FAM227B: variants seen among roughly 807,000 people sequenced by gnomAD.
FAM227B encodes family with sequence similarity 227 member B.
A neutral mutation model predicts 73.8 loss-of-function variants in FAM227B; 88 were observed. The observed-to-expected ratio is 1.19, with a 90% CI of 1.00 to 1.42. FAM227B has a LOEUF of 1.42. FAM227B is among the 40% of genes most tolerant of loss of function. FAM227B has a pLI of 0.00. For synonymous variants in FAM227B, 210 were observed against 190.5 expected, an observed-to-expected ratio of 1.10 and a Z score of -0.84; for missense variants, 632 against 590.9, an observed-to-expected ratio of 1.07 and a Z score of -0.72.
chr15:49,455,429 A>T (rs1030316931), intron 11 of FAM227B, among the ~76,000 whole-genome samples: 2 of 152,184 alleles, frequency 1.3e-5, no homozygotes, highest in East Asian at 1.9e-4. Flanking sequence ...TTTCAAACAA[A>T]TTGTATGTTT....
At chr15:49,361,239 C>T (rs191265257) in intron 13 of FAM227B, among the ~76,000 whole-genome samples, 1 of 152,010 alleles carries the variant, frequency 6.6e-6, no homozygotes, top group East Asian at 1.9e-4. Flanking sequence ...ACCTATGATG[C>T]AAATTTTTTT....
At chr15:49,392,658 G>A (rs958477910) in intron 11 of FAM227B, among the ~76,000 whole-genome samples, 3 of 152,188 alleles carry the variant, frequency 2.0e-5, no homozygotes, top group Non-Finnish European at 2.9e-5. Flanking sequence ...TTTTAAAAAT[G>A]CATCTGTCAA....
At chr15:49,351,524 T>C (rs1050811590) in intron 13 of FAM227B, among the ~76,000 whole-genome samples, 4 of 152,178 alleles carry the variant, frequency 2.6e-5, no homozygotes, top group African/African-American at 9.7e-5. Flanking sequence ...ACAAGAAAAG[T>C]AGTGAGCAAT....
chr15:49,348,494 A>G (rs905640534), intron 13 of FAM227B, among the ~76,000 whole-genome samples: 15 of 152,192 alleles, frequency 9.9e-5, no homozygotes, highest in Non-Finnish European at 2.2e-4. Context: ...TTTTCCTTCA[A>G]TAAACAGGAC....
chr15:49,609,151 T>C (rs970458717), intron 3 of FAM227B, among the ~76,000 whole-genome samples: 8 of 151,450 alleles, frequency 5.3e-5, no homozygotes, highest in African/African-American at 1.9e-4. Flanking sequence ...GATACAACAA[T>C]AGTGGAAAAA....
At chr15:49,568,897 C>T (rs750862675) in intron 8 of FAM227B, among the ~76,000 whole-genome samples, 6 of 151,882 alleles carry the variant, frequency 4.0e-5, no homozygotes, top group Non-Finnish European at 7.4e-5. Flanking sequence ...TTCTAACTTA[C>T]AGGTTGAGTT....
intron 14 of FAM227B, among the ~76,000 whole-genome samples, chr15:49,334,508 A>T (rs1375236660): frequency 6.6e-6 from 1 of 152,184 alleles, no homozygotes; most frequent in Non-Finnish European, 1.5e-5. Flanking sequence ...ACCTGAGTAC[A>T]GCTGGACTCC....
At chr15:49,590,115 G>T in intron 3 of FAM227B, 108 bp from the exon 4 acceptor site, 1 of 630,086 alleles carries the variant, frequency 1.6e-6, no homozygotes, top group Non-Finnish European at 2.8e-6. Flanking sequence ...CCACAGCATT[G>T]TTTTTTATCA....
At chr15:49,521,481 A>G (rs889629753) in intron 10 of FAM227B, among the ~76,000 whole-genome samples, 8 of 152,230 alleles carry the variant, frequency 5.3e-5, no homozygotes, top group African/African-American at 1.9e-4. Flanking sequence ...AGCTGTGGAC[A>G]TAGCCAAGGC....
intron 13 of FAM227B, chr15:49,354,091 G>A (rs891455939): frequency 1.3e-5 from 2 of 152,164 alleles, no homozygotes; most frequent in African/African-American, 4.8e-5. Flanking sequence ...CCACATCACA[G>A]ATAATTCACA....
At chr15:49,570,077 T>C (rs1315923514) in intron 8 of FAM227B, among the ~76,000 whole-genome samples, 3 of 152,166 alleles carry the variant, frequency 2.0e-5, no homozygotes, top group East Asian at 1.9e-4. Context: ...GTCTTAGCTA[T>C]TGTGCTGCAA....
intron 11 of FAM227B, among the ~76,000 whole-genome samples, chr15:49,414,725 ATAAT>A (rs770165805): frequency 2.0e-5 from 3 of 152,164 alleles, no homozygotes; most frequent in Non-Finnish European, 4.4e-5. Context: ...TGTGAAAGTG[ATAAT>A]TGATAGGAAG....
rs377174947 is a variant in FAM227B, at chr15:49,442,308, C to G, written c.1012+65903G>C. Among the ~76,000 whole-genome samples the G allele has an allele frequency of 1.4e-4, 22 of 151,728 alleles. No homozygotes were observed. In the East Asian group the frequency reaches 4.3e-3, roughly 30 times the overall value. ...CTAGAATTTTTCTTCTCAGTATCTA[C>G]CCATTCTTCAGGGCCCAGATTAAGT... On this transcript the variant is annotated intron_variant, in intron 11 of 15. Transcript: ENST00000299338.
At chr15:49,611,416 C>G (rs2077908566) in intron 2 of FAM227B, 148 bp from the exon 3 acceptor site, 1 of 484,432 alleles carries the variant, frequency 2.1e-6, no homozygotes, top group African/African-American at 2.0e-5. Flanking sequence ...TATACCATCC[C>G]TCCACTTTGA....
At chr15:49,377,159 T>G (rs1247869996) in intron 11 of FAM227B, among the ~76,000 whole-genome samples, 1 of 151,942 alleles carries the variant, frequency 6.6e-6, no homozygotes. Context: ...CTGGCTTATT[T>G]CACTCCAGTT....
intron 10 of FAM227B, among the ~76,000 whole-genome samples, chr15:49,532,513 T>C (rs2060686436): frequency 6.6e-6 from 1 of 151,570 alleles, no homozygotes; most frequent in South Asian, 2.1e-4. Context: ...AAATTGCAAA[T>C]AAAATAATTG....
rs566945198 is a variant in FAM227B, at chr15:49,480,798, T to C, written c.1012+27413A>G. On this transcript the variant is annotated intron_variant, in intron 11 of 15. Transcript: ENST00000299338. ...ACATCCAGCCATCCCCTTTGTAAAGTGCAGTAAAGAAACAGTGGGCAATAG... is the reference window on the plus strand; with the variant it reads ...ACATCCAGCCATCCCCTTTGTAAAGCGCAGTAAAGAAACAGTGGGCAATAG... Among the ~76,000 whole-genome samples, 134 of 152,146 alleles carry C rather than the reference T, an allele frequency of 8.8e-4. 5 individuals are homozygous for C. The South Asian group carries it at 0.027, about 30-fold the overall frequency.
chr15:49,562,929 G>T (rs2074371994), intron 9 of FAM227B, among the ~76,000 whole-genome samples: 1 of 151,710 alleles, frequency 6.6e-6, no homozygotes, highest in South Asian at 2.1e-4. Flanking sequence ...TTCCCCATAA[G>T]AACCAAAAAA....
intron 9 of FAM227B, among the ~76,000 whole-genome samples, chr15:49,561,315 C>A (rs1025216875): frequency 1.3e-5 from 2 of 152,096 alleles, no homozygotes; most frequent in Admixed American, 6.5e-5. Flanking sequence ...CAACAAGAAG[C>A]CTTAACTTTC....
Sources: allele counts gnomAD v4.1 joint callset (sites outside exome capture counted in the v4.1 genomes callset), GRCh38; gene constraint gnomAD v4.1.1; transcripts MANE v1.5; gene names NCBI Gene and HGNC (gene_info 2026-07-23, HGNC 2026-07-21).